TMEM131: variants seen among roughly 807,000 people sequenced by gnomAD.
TMEM131 encodes the protein transmembrane protein 131, also known as 2610524E03Rik.
Under a neutral mutation model 211.6 loss-of-function variants are expected in TMEM131, and 66 were observed. The ratio of observed to expected loss-of-function variants is 0.31; its 90% CI spans 0.26 to 0.38. The LOEUF (loss-of-function observed/expected upper bound fraction) is 0.38. Among genes scored for constraint, TMEM131 ranks in the 10% least tolerant of loss-of-function variants. The pLI is 1.00. For missense variants in TMEM131, 2,036 were observed against 2,299.3 expected, an observed-to-expected ratio of 0.89 and a Z score of 2.34; for synonymous variants, 844 against 841.3, an observed-to-expected ratio of 1.00 and a Z score of -0.06.
At chr2:97,813,210 T>C (rs1051588363) in intron 15 of TMEM131, among the ~76,000 whole-genome samples, 3 of 152,106 alleles carry the variant, frequency 2.0e-5, no homozygotes, top group African/African-American at 7.2e-5. Context: ...AGTGGAACCC[T>C]AGGGGATCGG....
At chr2:97,811,803 T>A (rs1681560713) in intron 17 of TMEM131, among the ~76,000 whole-genome samples, 1 of 152,258 alleles carries the variant, frequency 6.6e-6, no homozygotes, top group South Asian at 2.1e-4. Context: ...GATGAGATTA[T>A]CTGATGCTCC....
chr2:97,926,417 T>G (rs138188905), intron 2 of TMEM131, among the ~76,000 whole-genome samples: 4 of 152,332 alleles, frequency 2.6e-5, no homozygotes, highest in African/African-American at 9.6e-5. Flanking sequence ...AAATAAAAAT[T>G]GTTTCTGAGA....
chr2:97,815,390 TAAA>T, intron 12 of TMEM131, 83 bp from the exon 13 acceptor site: 7 of 632,030 alleles, frequency 1.1e-5, no homozygotes, highest in South Asian at 1.0e-4. Context: ...GACAAAATCT[TAAA>T]AAAAAAAAAA....
At chr2:97,863,406 C>G (rs1392342785) in intron 4 of TMEM131, among the ~76,000 whole-genome samples, 1 of 152,092 alleles carries the variant, frequency 6.6e-6, no homozygotes, top group Admixed American at 6.5e-5. Flanking sequence ...GGGATCATAT[C>G]AACTTAAAAA....
rs185212418 is a variant in TMEM131, at chr2:97,940,584, G to A, written c.188-13097C>T. ...AGCACTTTGGGAGGCCAAGACGGGCGGATCACGAGGTCAGGAGATCGAGAC... is the reference window on the plus strand; with the variant it reads ...AGCACTTTGGGAGGCCAAGACGGGCAGATCACGAGGTCAGGAGATCGAGAC... On this transcript the variant is annotated intron_variant, in intron 1 of 40. Transcript: ENST00000186436. Among the ~76,000 whole-genome samples, 42 of 152,160 alleles carry A rather than the reference G, an allele frequency of 2.8e-4. No homozygotes were observed. In the East Asian group the frequency reaches 3.7e-3, roughly 13 times the overall value.
At position 97,760,861 on chromosome 2, in the gene TMEM131, G is replaced by A. The variant is rs1440417571; in HGVS notation, c.4943C>T (p.Ala1648Val). The change falls in exon 37 of 41, where the codon GCC (alanine) becomes GTC (valine). Residue 1648 changes from alanine (A) to valine (V), a missense_variant. Around this residue, in one of 3 missense-constraint regions of TMEM131, gnomAD observed 1,623 missense variants for 1,805.9 expected, o/e 0.90. Coordinates refer to ENST00000186436, the MANE Select transcript of TMEM131 (RefSeq NM_015348.2). ...NGSKHKLTKA[A>V]SLPGKNGNPT... ...GTTGCCGTTCTTGCCCGGGAGCGAG[G>A]CTGCCTTTGTCAACTTGTGTTTGCT... 6 of 1,614,018 alleles carry A rather than the reference G, an allele frequency of 3.7e-6. No homozygotes were observed. The highest frequency in any genetic ancestry group is 5.1e-6 in the Non-Finnish European group (6 of 1,179,900).
At chr2:97,919,845 C>T (rs1268653750) in intron 2 of TMEM131, among the ~76,000 whole-genome samples, 1 of 152,226 alleles carries the variant, frequency 6.6e-6, no homozygotes, top group Non-Finnish European at 1.5e-5. Flanking sequence ...ACTGGGATTA[C>T]AGGCATGAAC....
At chr2:97,886,092 T>C (rs1342714162) in intron 4 of TMEM131, among the ~76,000 whole-genome samples, 1 of 152,186 alleles carries the variant, frequency 6.6e-6, no homozygotes, top group Non-Finnish European at 1.5e-5. Context: ...CATTGAATTC[T>C]TCAGCTCTAG....
At position 97,796,479 on chromosome 2, in the gene TMEM131, T is replaced by C. The variant is rs189111150; in HGVS notation, c.3014-75A>G. The stretch of plus-strand genomic sequence containing the variant: ...CCCAGTCCAAATGATAAATACATTA[T>C]TCATGAATTACTATATGTCACAGGT... On this transcript the variant is annotated intron_variant, in intron 27 of 40. Transcript: ENST00000186436. The C allele has an allele frequency of 4.5e-3, 4,129 of 911,758 alleles. 27 individuals carry two copies. The highest frequency in any genetic ancestry group is 0.012 in the Middle Eastern group (47 of 4,068). 56.5% of individuals were successfully genotyped at this position (911,758 alleles called of 1,614,324 possible). A position where few individuals can be genotyped will look rare whatever the true frequency, so the allele number is the denominator to read the frequency against.
At chr2:97,805,297 C>G in intron 21 of TMEM131, 79 bp downstream of exon 21, 1 of 1,567,102 alleles carries the variant, frequency 6.4e-7, no homozygotes, top group Non-Finnish European at 8.7e-7. Context: ...CAGCAATGTA[C>G]TTTAAAAGTG....
chr2:97,759,803 A>G, intron 38 of TMEM131, 54 bp from the exon 39 acceptor site: 1 of 1,311,798 alleles, frequency 7.6e-7, no homozygotes, highest in Non-Finnish European at 1.1e-6. Flanking sequence ...TGGTTAGTGC[A>G]AACGGATCCA....
intron 14 of TMEM131, 32 bp from the exon 15 acceptor site, chr2:97,814,173 G>A (rs1382240603): frequency 3.1e-6 from 5 of 1,612,200 alleles, no homozygotes; most frequent in Non-Finnish European, 4.2e-6. Flanking sequence ...AAAAAACAAA[G>A]TGTCAGCATC....
intron 1 of TMEM131, among the ~76,000 whole-genome samples, chr2:97,946,495 C>T (rs901017260): frequency 2.6e-5 from 4 of 151,860 alleles, no homozygotes; most frequent in Non-Finnish European, 4.4e-5. Context: ...GTTTATGATA[C>T]GGACAAATTC....
intron 4 of TMEM131, among the ~76,000 whole-genome samples, chr2:97,884,368 T>C (rs1217528348): frequency 2.6e-5 from 4 of 152,170 alleles, no homozygotes; most frequent in Non-Finnish European, 5.9e-5. Context: ...GAATGCTTCA[T>C]GTGTTGACGA....
intron 24 of TMEM131, 73 bp from the exon 25 acceptor site, chr2:97,802,034 G>C: frequency 1.0e-6 from 1 of 1,005,020 alleles, no homozygotes; most frequent in East Asian, 2.6e-5. Flanking sequence ...GTGATTATCA[G>C]GTGTGTGCTT....
intron 11 of TMEM131, among the ~76,000 whole-genome samples, chr2:97,819,382 AC>A (rs532682206): frequency 1.4e-3 from 215 of 152,376 alleles, no homozygotes; most frequent in Non-Finnish European, 2.7e-3. Flanking sequence ...TTTTAAAAAT[AC>A]ATTTTAAGGT....
intron 2 of TMEM131, among the ~76,000 whole-genome samples, chr2:97,923,572 T>C (rs954077603): frequency 7.1e-6 from 1 of 139,878 alleles, no homozygotes; most frequent in Non-Finnish European, 1.5e-5. Flanking sequence ...CAGTGAGCCA[T>C]GATTGTGCCA....
intron 4 of TMEM131, among the ~76,000 whole-genome samples, chr2:97,885,480 G>A (rs188289580): frequency 3.3e-5 from 5 of 152,120 alleles, no homozygotes; most frequent in African/African-American, 9.6e-5. Flanking sequence ...GAGCCACCGC[G>A]CCCGGCCGTT....
chr2:97,800,551 A>G (rs1488138462), intron 25 of TMEM131, among the ~76,000 whole-genome samples: 5 of 148,008 alleles, frequency 3.4e-5, no homozygotes, highest in Non-Finnish European at 5.9e-5. Context: ...GGAGTTTGAA[A>G]CTAGCCTGGC....
Sources: gnomAD v4.1 joint callset for allele counts (sites outside exome capture counted in the v4.1 genomes callset) on GRCh38, gnomAD v4.1.1 for gene constraint, gnomAD v4.1.1 regional missense constraint, MANE v1.5 for transcripts, NCBI Gene and HGNC (gene_info 2026-07-23, HGNC 2026-07-21) for gene names.